The following LY75 variants were observed in gnomAD, a reference collection of about 807,000 sequenced individuals.
The protein encoded by LY75 is lymphocyte antigen 75.
LY75 carries 185 observed loss-of-function variants against 231.7 expected under a neutral mutation model. That is an observed-to-expected ratio of 0.80 (90% CI 0.71 to 0.90). LY75 has a LOEUF of 0.90. LY75 is among the 40% of genes least tolerant of loss of function. LY75 has a pLI of 0.00. For synonymous variants in LY75, 668 were observed against 689.0 expected (o/e 0.97, Z 0.48); for missense variants, 1,947 against 2,050.2 (o/e 0.95, Z 0.97).
chr2:159,894,608 G>C (rs1450621469), intron 2 of LY75, among the ~76,000 whole-genome samples: 1 of 152,230 alleles, frequency 6.6e-6, no homozygotes, highest in Non-Finnish European at 1.5e-5. Context: ...ATTGTTCAGA[G>C]ACTGGAGGTA....
chr2:159,879,789 T>C (rs1685380812), intron 8 of LY75, among the ~76,000 whole-genome samples: 1 of 152,214 alleles, frequency 6.6e-6, no homozygotes, highest in Non-Finnish European at 1.5e-5. Context: ...TGATGGTGGC[T>C]AAAATAGCTA....
intron 28 of LY75, 32 bp from the exon 29 acceptor site, chr2:159,819,952 A>C: frequency 6.4e-7 from 1 of 1,553,586 alleles, no homozygotes; most frequent in Non-Finnish European, 8.7e-7. Flanking sequence ...CTATGCTTAG[A>C]GATTAAATCA....
Position 159,807,062 on chromosome 2 carries a change from C to T in LY75, c.4901G>A (p.Arg1634Lys). The T allele has an allele frequency of 6.2e-7, 1 of 1,613,952 alleles. No homozygotes were observed. Among genetic ancestry groups the T allele is most frequent in the Non-Finnish European group, 8.5e-7 (1 of 1,179,918 alleles). Reference sequence around the variant, plus strand: ...ATTTGAAGCTATCAACATGCTACATCTTCCAACACCACTCTTACTTTTATT... The same window carrying T: ...ATTTGAAGCTATCAACATGCTACATTTTCCAACACCACTCTTACTTTTATT... ...WENKSKSGVG[R>K]CSMLIASNET... The change falls in exon 34 of 35, where the codon AGA (arginine) becomes AAA (lysine). Residue 1634 changes from arginine to lysine, a missense_variant. Coordinates refer to ENST00000263636, the MANE Select transcript of LY75 (RefSeq NM_002349.4).
intron 13 of LY75, 123 bp downstream of exon 13, chr2:159,872,328 C>T: frequency 7.8e-7 from 1 of 1,281,448 alleles, no homozygotes; most frequent in Non-Finnish European, 1.1e-6. Flanking sequence ...CACCAAATGA[C>T]CTTTTAGATA....
At chr2:159,841,010 T>C (rs1236893659) in intron 24 of LY75, 55 bp from the exon 25 acceptor site, 14 of 1,585,030 alleles carry the variant, frequency 8.8e-6, no homozygotes, top group Non-Finnish European at 1.2e-5. Flanking sequence ...ACTCTGCAAG[T>C]TATGGGACAT....
chr2:159,806,939 CAA>C, intron 34 of LY75, 32 bp downstream of exon 34: 1 of 1,571,712 alleles, frequency 6.4e-7, no homozygotes, highest in Non-Finnish European at 8.6e-7. Context: ...GACTGTTCTG[CAA>C]AAAGTCTCCT....
intron 20 of LY75, 122 bp from the exon 21 acceptor site, chr2:159,852,462 G>C (rs1684433013): frequency 2.2e-6 from 3 of 1,375,798 alleles, no homozygotes; most frequent in South Asian, 1.5e-5. Flanking sequence ...CTGTTGCCCG[G>C]GGCTGGAGTG....
At chr2:159,901,304 T>C (rs1333006554) in intron 1 of LY75, among the ~76,000 whole-genome samples, 2 of 152,246 alleles carry the variant, frequency 1.3e-5, no homozygotes, top group Non-Finnish European at 2.9e-5. Flanking sequence ...ATCTCTGATC[T>C]ACATCTTTTC....
intron 23 of LY75, among the ~76,000 whole-genome samples, chr2:159,846,964 T>C (rs903477999): frequency 3.9e-5 from 6 of 152,206 alleles, no homozygotes; most frequent in African/African-American, 1.4e-4. Flanking sequence ...TAAGAAGAAT[T>C]TTAAAAACCA....
At chr2:159,817,819 G>C (rs561725954) in intron 29 of LY75, among the ~76,000 whole-genome samples, 35 of 152,118 alleles carry the variant, frequency 2.3e-4, no homozygotes, top group Non-Finnish European at 4.4e-4. Context: ...AGGCCAAGGC[G>C]GGGGGATCAC....
intron 27 of LY75, among the ~76,000 whole-genome samples, 169 bp downstream of exon 27, chr2:159,833,875 C>G (rs1180539927): frequency 6.6e-6 from 1 of 152,188 alleles, no homozygotes; most frequent in Non-Finnish European, 1.5e-5. Context: ...GCTCTCTTGC[C>G]TGCTGCCATG....
intron 3 of LY75, among the ~76,000 whole-genome samples, chr2:159,890,973 A>G (rs975329677): frequency 6.6e-6 from 1 of 152,148 alleles, no homozygotes; most frequent in African/African-American, 2.4e-5. Flanking sequence ...ACATATATAC[A>G]TATGTGTTTG....
intron 27 of LY75, 45 bp from the exon 28 acceptor site, chr2:159,831,831 A>G (rs751094210): frequency 6.7e-7 from 1 of 1,499,582 alleles, no homozygotes; most frequent in Non-Finnish European, 9.1e-7. Flanking sequence ...TTACTTATCT[A>G]GTACACTTCT....
chr2:159,876,080 C>A (rs1381107161), intron 11 of LY75, among the ~76,000 whole-genome samples: 1 of 152,126 alleles, frequency 6.6e-6, no homozygotes, highest in Admixed American at 6.6e-5. Context: ...ACAACTCTCC[C>A]AGATTCTGAT....
At chr2:159,857,184 C>T (rs1042520801) in intron 16 of LY75, among the ~76,000 whole-genome samples, 1 of 152,318 alleles carries the variant, frequency 6.6e-6, no homozygotes, top group South Asian at 2.1e-4. Context: ...ACACAACTGT[C>T]TTTCCCTTAC....
chr2:159,899,203 G>GT, intron 1 of LY75, 144 bp from the exon 2 acceptor site: 1 of 1,439,492 alleles, frequency 6.9e-7, no homozygotes, highest in Non-Finnish European at 9.3e-7. Context: ...ACTACAAAAG[G>GT]TGGGACAGTG....
In LY75 at chr2:159,840,915, A is replaced by G; in HGVS notation, c.3321T>C (p.Thr1107=). Residue 1107 remains threonine, a synonymous_variant, in exon 25 of 35, where the codon ACT becomes ACC. Coordinates refer to ENST00000263636, the MANE Select transcript of LY75 (RefSeq NM_002349.4). ...SRQTLQNASE[T]VKYLNNLYKI... ...TGTACAGATTATTTAGATACTTTAC[A>G]GTTTCTGAAGCATTCTGCAACGTCT... 1.2e-6 allele frequency: 2 copies of G among 1,614,080 alleles called. No individual in the cohort carries two copies. Among genetic ancestry groups the G allele is most frequent in the African/African-American group, 1.3e-5 (1 of 75,044 alleles).
At chr2:159,903,796 A>C (rs1686150067) in intron 1 of LY75, among the ~76,000 whole-genome samples, 1 of 152,156 alleles carries the variant, frequency 6.6e-6, no homozygotes, top group African/African-American at 2.4e-5. Flanking sequence ...AGAAAGTAAA[A>C]GCAACCGGTT....
chr2:159,814,653 C>CA (rs34311643), intron 31 of LY75, among the ~76,000 whole-genome samples: 14,735 of 73,426 alleles, frequency 0.2, 974 homozygotes, highest in Middle Eastern at 0.3. Context: ...GAAACCCTGT[C>CA]AAAAAAAAAA....
Sources: allele counts gnomAD v4.1 joint callset (sites outside exome capture counted in the v4.1 genomes callset), GRCh38; gene constraint gnomAD v4.1.1; transcripts MANE v1.5; gene names NCBI Gene and HGNC (gene_info 2026-07-23, HGNC 2026-07-21).